Variants in ENAH observed in about 807,000 individuals in gnomAD.
ENAH encodes ENAH actin regulator, also known as protein enabled homolog.
A neutral mutation model predicts 78.7 loss-of-function variants in ENAH; 23 were observed. The ratio of observed to expected loss-of-function variants is 0.29; its 90% CI spans 0.21 to 0.41. ENAH has a LOEUF of 0.41. Among genes scored for constraint, ENAH ranks in the 10% least tolerant of loss-of-function variants. The pLI is 1.00. For synonymous variants in ENAH, 226 were observed against 241.0 expected, an observed-to-expected ratio of 0.94 and a Z score of 0.58; for missense variants, 544 against 691.0, an observed-to-expected ratio of 0.79 and a Z score of 2.39.
At chr1:225,521,792 TTTG>T (rs746508352) in intron 4 of ENAH, among the ~76,000 whole-genome samples, 17 of 151,976 alleles carry the variant, frequency 1.1e-4, no homozygotes, top group Non-Finnish European at 1.9e-4. Flanking sequence ...GTTTTTTTGT[TTTG>T]TTTTGTTTTT....
intron 1 of ENAH, among the ~76,000 whole-genome samples, chr1:225,570,339 C>T (rs972857283): frequency 7.2e-5 from 11 of 151,990 alleles, no homozygotes; most frequent in South Asian, 4.2e-4. Context: ...CTGCCATGTA[C>T]GCTGACCATT....
At chr1:225,650,676 C>T (rs1174258641) in intron 1 of ENAH, among the ~76,000 whole-genome samples, 1 of 151,754 alleles carries the variant, frequency 6.6e-6, no homozygotes, top group Admixed American at 6.6e-5. Flanking sequence ...TGGTGAAACC[C>T]CGTCTCTACT....
At chr1:225,582,723 C>G (rs1278702047) in intron 1 of ENAH, among the ~76,000 whole-genome samples, 2 of 152,132 alleles carry the variant, frequency 1.3e-5, no homozygotes, top group African/African-American at 2.4e-5. Flanking sequence ...ACTAAAAGAG[C>G]TGAACCAAAA....
intron 1 of ENAH, among the ~76,000 whole-genome samples, chr1:225,579,758 C>T (rs2096806005): frequency 6.6e-6 from 1 of 152,136 alleles, no homozygotes. Flanking sequence ...AAGAATATGT[C>T]TTTACATCTT....
chr1:225,615,757 C>T (rs1421999496), intron 1 of ENAH, among the ~76,000 whole-genome samples: 6 of 150,418 alleles, frequency 4.0e-5, no homozygotes, highest in Non-Finnish European at 5.9e-5. Flanking sequence ...AGGTGAGGAG[C>T]GTCTCTGCCC....
chr1:225,531,217 A>G (rs2096535703), intron 3 of ENAH, among the ~76,000 whole-genome samples: 1 of 152,122 alleles, frequency 6.6e-6, no homozygotes, highest in African/African-American at 2.4e-5. Flanking sequence ...CTAAACTTCC[A>G]TATAGTAATT....
intron 5 of ENAH, chr1:225,517,708 C>A: frequency 1.9e-6 from 3 of 1,550,914 alleles, no homozygotes; most frequent in Non-Finnish European, 2.6e-6. Flanking sequence ...AGAAGAAGGT[C>A]GAGAGTTTTT....
In ENAH at chr1:225,495,676, G is replaced by A. The variant is rs1164930891; in HGVS notation, c.*2099C>T. On this transcript the variant is annotated 3_prime_UTR_variant, in exon 14 of 14. Transcript: ENST00000366843. ...AAGAGGTTGCTGACCAGATTTATAG[G>A]GGACATAACTGTTTATATTATCAAA... The A allele has an allele frequency of 6.6e-6, 1 of 152,052 alleles. No homozygotes were observed. The highest frequency in any genetic ancestry group is 1.5e-5 in the Non-Finnish European group (1 of 67,928). The allele number at this position is 152,052 out of a possible 1,614,324, so 9.4% of individuals were successfully genotyped here. A position where few individuals can be genotyped will look rare whatever the true frequency, so the allele number is the denominator to read the frequency against.
chr1:225,536,493 T>C (rs2096562139), intron 3 of ENAH, among the ~76,000 whole-genome samples: 1 of 152,100 alleles, frequency 6.6e-6, no homozygotes, highest in African/African-American at 2.4e-5. Context: ...AGATTTTCTT[T>C]TTCCGTTGGT....
intron 1 of ENAH, among the ~76,000 whole-genome samples, chr1:225,567,762 A>C (rs1232322187): frequency 6.6e-6 from 1 of 152,176 alleles, no homozygotes; most frequent in Non-Finnish European, 1.5e-5. Context: ...ACTTTTTGCT[A>C]TTTTAATGGC....
chr1:225,526,749 A>G (rs764328269), intron 4 of ENAH, among the ~76,000 whole-genome samples: 1 of 152,140 alleles, frequency 6.6e-6, no homozygotes, highest in Non-Finnish European at 1.5e-5. Flanking sequence ...TATTTCATCA[A>G]TGAAATATAT....
At position 225,514,697 on chromosome 1, in the gene ENAH, G is replaced by A. The variant is rs1344761260; in HGVS notation, c.1117C>T (p.Pro373Ser). 6.2e-7 allele frequency: 1 copy of A among 1,603,786 alleles called. No individual in the cohort carries two copies. Among genetic ancestry groups the A allele is most frequent in the South Asian group, 1.1e-5 (1 of 90,740 alleles). ...PPPPPPAPPL[P>S]ASGFFLASMS... The stretch of plus-strand genomic sequence containing the variant: ...GATGCCAAAAAGAATCCAGATGCAG[G>A]GAGGGGTGGGGCAGGAGGTGGTGGA... Residue 373 changes from proline (P) to serine (S), a missense_variant, in exon 7 of 14, where the codon CCT becomes TCT. Coordinates refer to ENST00000366843, the MANE Select transcript of ENAH (RefSeq NM_018212.6).
At chr1:225,630,378 TG>T (rs1183415390) in intron 1 of ENAH, among the ~76,000 whole-genome samples, 1 of 152,226 alleles carries the variant, frequency 6.6e-6, no homozygotes, top group Non-Finnish European at 1.5e-5. Context: ...TTACTACTTT[TG>T]TGTTCCTTTT....
At chr1:225,576,874 C>T (rs1353489113) in intron 1 of ENAH, among the ~76,000 whole-genome samples, 1 of 152,194 alleles carries the variant, frequency 6.6e-6, no homozygotes, top group East Asian at 1.9e-4. Flanking sequence ...GTGGCTCACA[C>T]CTGTAATCCC....
At chr1:225,615,804 C>A (rs1190141653) in intron 1 of ENAH, among the ~76,000 whole-genome samples, 2 of 151,368 alleles carry the variant, frequency 1.3e-5, no homozygotes, top group Non-Finnish European at 2.9e-5. Flanking sequence ...CCCCTCTGCC[C>A]GGCCGCCACC....
At chr1:225,575,864 T>C (rs1219854285) in intron 1 of ENAH, among the ~76,000 whole-genome samples, 1 of 152,174 alleles carries the variant, frequency 6.6e-6, no homozygotes, top group African/African-American at 2.4e-5. Flanking sequence ...ATACTAAGTA[T>C]AAAAAGTAAA....
At chr1:225,511,891 C>T (rs1472533747) in intron 9 of ENAH, 32 bp from the exon 10 acceptor site, 1 of 1,437,506 alleles carries the variant, frequency 7.0e-7, no homozygotes, top group Admixed American at 1.8e-5. Context: ...AATATCACAT[C>T]TACCAGTCCC....
intron 1 of ENAH, among the ~76,000 whole-genome samples, chr1:225,587,628 C>T (rs1321917095): frequency 6.6e-6 from 1 of 152,106 alleles, no homozygotes; most frequent in Non-Finnish European, 1.5e-5. Context: ...CCCATCAAGC[C>T]ATTTTTGTAG....
rs1419517759 is a variant in ENAH, at chr1:225,486,840, T to A, written c.*10935A>T. The A allele has an allele frequency of 6.5e-6, 1 of 152,674 alleles. No individual in the cohort carries two copies. Among genetic ancestry groups the A allele is most frequent in the Non-Finnish European group, 1.5e-5 (1 of 68,048 alleles). 9.5% of individuals were successfully genotyped at this position (152,674 alleles called of 1,614,324 possible). ...AAATACAAATCTCATTTGAATTAAG[T>A]ATTTCATGTTTTTATTTCAAAAGAA... On this transcript the variant is annotated 3_prime_UTR_variant, in exon 14 of 14. Coordinates refer to ENST00000366843, the MANE Select transcript of ENAH (RefSeq NM_018212.6).
Sources: gnomAD v4.1 joint callset for allele counts (sites outside exome capture counted in the v4.1 genomes callset) on GRCh38, gnomAD v4.1.1 for gene constraint, MANE v1.5 for transcripts, NCBI Gene and HGNC (gene_info 2026-07-23, HGNC 2026-07-21) for gene names.